NEK10: variants seen among roughly 807,000 people sequenced by gnomAD.
NEK10 encodes serine/threonine-protein kinase Nek10.
Under a neutral mutation model 159.8 loss-of-function variants are expected in NEK10, and 122 were observed. The observed-to-expected ratio is 0.76, with a 90% confidence interval of 0.66 to 0.89. The LOEUF is 0.89. NEK10 is among the 40% of genes least tolerant of loss of function. The pLI, the probability that NEK10 is intolerant of heterozygous loss-of-function variation, is 0.00. For synonymous variants in NEK10, 466 were observed against 457.1 expected (o/e 1.02, Z -0.25); for missense variants, 1,342 against 1,323.1 (o/e 1.01, Z -0.22).
chr3:27,358,810 C>T (rs2048487039), intron 1 of NEK10, among the ~76,000 whole-genome samples: 1 of 152,166 alleles, frequency 6.6e-6, no homozygotes, highest in African/African-American at 2.4e-5. Context: ...GCCCACAAAT[C>T]CACAAATATC....
At chr3:27,119,265 G>T (rs12488645) in intron 33 of NEK10, among the ~76,000 whole-genome samples, 2,136 of 152,272 alleles carry the variant, frequency 0.014, 60 homozygotes, top group African/African-American at 0.049. Context: ...GCCAAGATTT[G>T]AATCTAGGCA....
At chr3:27,161,200 G>A (rs1359310608) in intron 30 of NEK10, among the ~76,000 whole-genome samples, 1 of 152,076 alleles carries the variant, frequency 6.6e-6, no homozygotes, top group Non-Finnish European at 1.5e-5. Context: ...TTCCATTCTT[G>A]CTGTTGGAAC....
At chr3:27,367,489 C>A (rs1335857762) in intron 1 of NEK10, 1 of 152,054 alleles carries the variant, frequency 6.6e-6, no homozygotes, top group Non-Finnish European at 1.5e-5. Flanking sequence ...TAAAGTAAAA[C>A]CTGTACCTTT....
intron 30 of NEK10, among the ~76,000 whole-genome samples, chr3:27,146,488 AT>A (rs1944308853): frequency 6.6e-6 from 1 of 152,208 alleles, no homozygotes; most frequent in Admixed American, 6.5e-5. Context: ...GTTTTCATGA[AT>A]GGGGGGCCAA....
In NEK10 at chr3:27,121,328, C is replaced by A. The variant is rs1166373739; in HGVS notation, c.3082-1460G>T. On this transcript the variant is annotated intron_variant, in intron 32 of 35. Transcript: ENST00000691995. ...GAGAAAAGAAGCCAGAAACAAAATA[C>A]ATAGTGTATGACTTCATTCTTAGAA... is the stretch of plus-strand genomic sequence containing the variant. Among the ~76,000 whole-genome samples, 4 of 152,272 alleles carry A rather than the reference C, an allele frequency of 2.6e-5. No individual in the cohort carries two copies. The South Asian group carries it at 8.3e-4, about 32-fold the overall frequency.
chr3:27,304,623 G>A, intron 12 of NEK10, 124 bp downstream of exon 12: 1 of 665,906 alleles, frequency 1.5e-6, no homozygotes, highest in South Asian at 1.8e-5. Context: ...TGGAAAGCAT[G>A]AATTACCAAA....
rs147405670 is a variant in NEK10 at position 27,235,967 on chromosome 3, C to T, written c.2090+20329G>A. ...ATATACACCATGGAATACTATGCAA[C>T]CATAAAAAAGAATAAGATCATGTCC... On this transcript the variant is annotated intron_variant, in intron 23 of 35. Transcript: ENST00000691995. Among the ~76,000 whole-genome samples, 321 of 152,150 alleles carry T rather than the reference C, an allele frequency of 2.1e-3. 2 individuals are homozygous for T. In the East Asian group the frequency reaches 0.04, roughly 19 times the overall value.
chr3:27,189,340 C>A (rs1364450343), intron 26 of NEK10, among the ~76,000 whole-genome samples: 3 of 151,954 alleles, frequency 2.0e-5, no homozygotes, highest in South Asian at 2.1e-4. Context: ...GAAATAGAAA[C>A]CTTTAATGTT....
chr3:27,147,528 C>T (rs1944422018), intron 30 of NEK10, among the ~76,000 whole-genome samples: 1 of 152,228 alleles, frequency 6.6e-6, no homozygotes, highest in Non-Finnish European at 1.5e-5. Context: ...AACTTCCTTT[C>T]ATTTGAAACT....
chr3:27,333,088 C>T (rs1303139108), intron 5 of NEK10, among the ~76,000 whole-genome samples: 1 of 152,136 alleles, frequency 6.6e-6, no homozygotes, highest in Non-Finnish European at 1.5e-5. Context: ...AGAAAAGTGG[C>T]AGGCAATACC....
intron 4 of NEK10, among the ~76,000 whole-genome samples, chr3:27,345,393 C>T (rs1025179340): frequency 2.0e-5 from 3 of 152,064 alleles, no homozygotes; most frequent in African/African-American, 7.2e-5. Flanking sequence ...GTAACTTTCC[C>T]ATACTATTAA....
chr3:27,267,453 C>A (rs2040993152), intron 22 of NEK10, among the ~76,000 whole-genome samples: 1 of 152,222 alleles, frequency 6.6e-6, no homozygotes, highest in Non-Finnish European at 1.5e-5. Context: ...CTATGAGCAC[C>A]ATTTTTTCAA....
Position 27,154,051 on chromosome 3 carries a change from C to T in NEK10, c.2869+8650G>A, listed in dbSNP as rs576860219. ...TGAAAATATAAATAAAATTGATAGA[C>T]CATTATCAAGATTAATCAAGAAAAG... On this transcript the variant is annotated intron_variant, in intron 30 of 35. Coordinates refer to ENST00000691995, the MANE Select transcript of NEK10 (RefSeq NM_001394966.1). Among the ~76,000 whole-genome samples the T allele has an allele frequency of 1.5e-3, 221 of 152,104 alleles. No individual in the cohort carries two copies. The South Asian group carries it at 0.022, about 15-fold the overall frequency.
intron 26 of NEK10, among the ~76,000 whole-genome samples, chr3:27,190,514 T>C (rs919448406): frequency 1.3e-5 from 2 of 152,082 alleles, no homozygotes; most frequent in Non-Finnish European, 2.9e-5. Flanking sequence ...AGCTGAGAAG[T>C]GTAAATAAAT....
intron 16 of NEK10, among the ~76,000 whole-genome samples, chr3:27,291,878 G>A (rs1000599319): frequency 2.6e-5 from 4 of 152,058 alleles, no homozygotes; most frequent in Non-Finnish European, 4.4e-5. Context: ...TCCTGACCTC[G>A]TGATCCGCCC....
intron 12 of NEK10, among the ~76,000 whole-genome samples, chr3:27,304,070 C>T (rs1375796175): frequency 1.3e-5 from 2 of 152,158 alleles, no homozygotes; most frequent in East Asian, 3.8e-4. Context: ...CAACGTACTT[C>T]TAGAGAATTT....
intron 26 of NEK10, among the ~76,000 whole-genome samples, chr3:27,191,111 A>G (rs1308642985): frequency 1.3e-5 from 2 of 152,236 alleles, no homozygotes; most frequent in Non-Finnish European, 2.9e-5. Flanking sequence ...CCTTCTTTTC[A>G]GAAAGCAGTT....
At chr3:27,189,422 T>C (rs1019602637) in intron 26 of NEK10, among the ~76,000 whole-genome samples, 7 of 152,234 alleles carry the variant, frequency 4.6e-5, no homozygotes, top group East Asian at 1.9e-4. Context: ...CTTATTGATA[T>C]TGGGAATTCA....
At chr3:27,115,381 C>T (rs1940250000) in intron 35 of NEK10, among the ~76,000 whole-genome samples, 1 of 152,170 alleles carries the variant, frequency 6.6e-6, no homozygotes, top group Admixed American at 6.5e-5. Flanking sequence ...AGCATATACT[C>T]TTAGAACACC....
Sources: allele counts gnomAD v4.1 joint callset (sites outside exome capture counted in the v4.1 genomes callset), GRCh38; gene constraint gnomAD v4.1.1; transcripts MANE v1.5; gene names NCBI Gene and HGNC (gene_info 2026-07-23, HGNC 2026-07-21).